Variants in ZBTB16 observed in about 807,000 individuals in gnomAD.
ZBTB16 encodes zinc finger and BTB domain-containing protein 16.
ZBTB16 carries 8 observed loss-of-function variants against 56.8 expected under a neutral mutation model. The ratio of observed to expected loss-of-function variants is 0.14; its 90% CI spans 0.08 to 0.25. ZBTB16 has a LOEUF of 0.25. Ranked by LOEUF, ZBTB16 falls within the 10% of genes least tolerant of loss-of-function variation. ZBTB16 has a pLI of 1.00. For synonymous variants in ZBTB16, 363 were observed against 368.5 expected (o/e 0.98, Z 0.17); for missense variants, 625 against 903.0 (o/e 0.69, Z 3.95).
At chr11:114,124,201 G>T (rs1331332426) in intron 2 of ZBTB16, among the ~76,000 whole-genome samples, 5 of 152,086 alleles carry the variant, frequency 3.3e-5, no homozygotes, top group Non-Finnish European at 7.4e-5. Context: ...TCATTGCGGG[G>T]TCAGGGTAAC....
intron 4 of ZBTB16, among the ~76,000 whole-genome samples, chr11:114,203,516 G>A (rs1591778355): frequency 6.6e-6 from 1 of 152,118 alleles, no homozygotes; most frequent in Admixed American, 6.5e-5. Flanking sequence ...TGGCACCACT[G>A]TACTCCAGGC....
intron 2 of ZBTB16, among the ~76,000 whole-genome samples, chr11:114,069,072 C>T (rs948799034): frequency 1.6e-4 from 25 of 152,090 alleles, no homozygotes; most frequent in African/African-American, 3.1e-4. Flanking sequence ...CAGACACCGT[C>T]GCAACTCTTG....
chr11:114,098,757 G>A lies in ZBTB16; in HGVS notation c.1268+34189G>A, dbSNP rs991009415. 4.6e-5 allele frequency among the ~76,000 whole-genome samples: 7 copies of A among 152,002 alleles called. No individual in the cohort carries two copies. In the South Asian group the frequency reaches 1.5e-3, roughly 32 times the overall value. On this transcript the variant is annotated intron_variant, in intron 2 of 6. Coordinates refer to ENST00000335953, the MANE Select transcript of ZBTB16 (RefSeq NM_006006.6). ...AATTAAGCATCTGTATTTAGATAAAGGTAGTGGTGGGTTGGATTTTCATAG... is the reference window on the plus strand; with the variant it reads ...AATTAAGCATCTGTATTTAGATAAAAGTAGTGGTGGGTTGGATTTTCATAG...
chr11:114,110,045 T>G (rs1163290873), intron 2 of ZBTB16, among the ~76,000 whole-genome samples: 1 of 151,928 alleles, frequency 6.6e-6, no homozygotes, highest in African/African-American at 2.4e-5. Flanking sequence ...GAAATTCTAT[T>G]TTGAGGGGAC....
chr11:114,142,612 T>G (rs1469515067), intron 2 of ZBTB16, among the ~76,000 whole-genome samples: 1 of 152,202 alleles, frequency 6.6e-6, no homozygotes, highest in African/African-American at 2.4e-5. Flanking sequence ...TCAGAATAGT[T>G]TTCTGTCACA....
At chr11:114,178,408 A>G (rs376475259) in intron 3 of ZBTB16, among the ~76,000 whole-genome samples, 1 of 152,172 alleles carries the variant, frequency 6.6e-6, no homozygotes, top group African/African-American at 2.4e-5. Context: ...CAGGCCCAGA[A>G]GAGATAATTC....
At chr11:114,083,090 C>T (rs1305084291) in intron 2 of ZBTB16, among the ~76,000 whole-genome samples, 2 of 152,224 alleles carry the variant, frequency 1.3e-5, no homozygotes, top group Non-Finnish European at 2.9e-5. Flanking sequence ...TTGGAAACGC[C>T]GTTCCAGGGC....
At chr11:114,120,407 C>G (rs1941309411) in intron 2 of ZBTB16, among the ~76,000 whole-genome samples, 1 of 152,196 alleles carries the variant, frequency 6.6e-6, no homozygotes, top group African/African-American at 2.4e-5. Flanking sequence ...CTCCCCCTGG[C>G]TTTGTTCATC....
chr11:114,205,180 T>A (rs1240053846), intron 4 of ZBTB16, among the ~76,000 whole-genome samples: 1 of 151,746 alleles, frequency 6.6e-6, no homozygotes, highest in Non-Finnish European at 1.5e-5. Flanking sequence ...GAGGCCGAGG[T>A]GGGCGGATCA....
At chr11:114,085,948 C>A (rs1012810351) in intron 2 of ZBTB16, among the ~76,000 whole-genome samples, 5 of 152,138 alleles carry the variant, frequency 3.3e-5, no homozygotes, top group Non-Finnish European at 7.4e-5. Context: ...GGGTGTGAGA[C>A]CATGTGGCTG....
Position 114,063,997 on chromosome 11 carries a change from G to A in ZBTB16, c.697G>A (p.Gly233Arg), listed in dbSNP as rs754689881. The change falls in exon 2 of 7, where the codon GGG becomes AGG. Residue 233 changes from glycine to arginine, a missense_variant. Around this residue, in one of 6 missense-constraint regions of ZBTB16, gnomAD observed 384 missense variants for 393.5 expected, o/e 0.98. Transcript: ENST00000335953. The surrounding 1 kb of genome is among the most constrained non-coding windows in gnomAD (Gnocchi z 6.5). ...GPEEPTLAGG[G>R]RHPGVAEVKT... ...CGAGGAGCCAACTCTGGCTGGGGGT[G>A]GGCGGCACCCTGGGGTGGCTGAGGT... The A allele has an allele frequency of 6.2e-7, 1 of 1,613,474 alleles. No individual in the cohort carries two copies. The highest frequency in any genetic ancestry group is 2.2e-5 in the East Asian group (1 of 44,850).
chr11:114,144,079 A>G (rs762873862), intron 2 of ZBTB16, among the ~76,000 whole-genome samples: 4 of 151,820 alleles, frequency 2.6e-5, no homozygotes, highest in Non-Finnish European at 4.4e-5. Flanking sequence ...TTTTCCTTTT[A>G]TCTCCATGCC....
chr11:114,138,676 AT>A (rs1222628261), intron 2 of ZBTB16, among the ~76,000 whole-genome samples: 2,823 of 146,790 alleles, frequency 0.019, 106 homozygotes, highest in African/African-American at 0.064. Flanking sequence ...CTCTTTTTTA[AT>A]TTTTTTTTAA....
At chr11:114,223,658 A>G (rs552177757) in intron 4 of ZBTB16, among the ~76,000 whole-genome samples, 2 of 152,340 alleles carry the variant, frequency 1.3e-5, no homozygotes, top group African/African-American at 4.8e-5. Flanking sequence ...CCATGTCTTC[A>G]TGGGTTTCAT....
At chr11:114,170,625 GAA>G (rs11336310) in intron 3 of ZBTB16, among the ~76,000 whole-genome samples, 2 of 143,124 alleles carry the variant, frequency 1.4e-5, no homozygotes, top group Admixed American at 7.0e-5. Context: ...GGGACAAGGG[GAA>G]AAAAAAAAAA....
rs947787449 is a variant in ZBTB16, at chr11:114,186,487, C to T, written c.1367-465C>T. Among the ~76,000 whole-genome samples the T allele has an allele frequency of 9.2e-5, 14 of 152,076 alleles. No individual in the cohort carries two copies. In the East Asian group the frequency reaches 1.2e-3, roughly 13 times the overall value. On this transcript the variant is annotated intron_variant, in intron 3 of 6. Transcript: ENST00000335953. ...ATGCAGGTGGCAGTTGGGGGACAGA[C>T]GATGAGTTTAGTTTTGGACACACTG...
chr11:114,167,232 G>GTTTTTTTTTTTTTTTTTTTTTTTTTT (rs58946694), intron 3 of ZBTB16, among the ~76,000 whole-genome samples: 16 of 88,712 alleles, frequency 1.8e-4, no homozygotes, highest in South Asian at 7.2e-4. Flanking sequence ...TTTTTTTTTG[G>GTTTTTTTTTTTTTTTTTTTTTTTTTT]TTTTTTTTTT....
chr11:114,158,596 T>G (rs562806478), intron 3 of ZBTB16, among the ~76,000 whole-genome samples: 1 of 152,214 alleles, frequency 6.6e-6, no homozygotes, highest in South Asian at 2.1e-4. Flanking sequence ...TTATCTCTCT[T>G]ACTTGGGAGG....
intron 3 of ZBTB16, among the ~76,000 whole-genome samples, chr11:114,173,870 G>C (rs1943035824): frequency 6.6e-6 from 1 of 152,214 alleles, no homozygotes; most frequent in South Asian, 2.1e-4. Flanking sequence ...TTCAGTGAAT[G>C]CAACTGATTG....
Sources: gnomAD v4.1 joint callset for allele counts (sites outside exome capture counted in the v4.1 genomes callset) on GRCh38, gnomAD v4.1.1 for gene constraint, gnomAD v4.1.1 regional missense constraint, Gnocchi (gnomAD v3.1) non-coding constraint, MANE v1.5 for transcripts, NCBI Gene and HGNC (gene_info 2026-07-23, HGNC 2026-07-21) for gene names.